The following RNGTT variants were observed in gnomAD, a reference collection of about 807,000 sequenced individuals.
RNGTT encodes the protein mRNA-capping enzyme.
Under a neutral mutation model 79.3 loss-of-function variants are expected in RNGTT, and 33 were observed. The ratio of observed to expected loss-of-function variants is 0.42; its 90% confidence interval spans 0.32 to 0.56. The LOEUF is 0.56. Among genes scored for constraint, RNGTT ranks in the 20% least tolerant of loss-of-function variants. The pLI, the probability that RNGTT is intolerant of heterozygous loss-of-function variation, is 0.17. For synonymous variants in RNGTT, 222 were observed against 235.9 expected, an observed-to-expected ratio of 0.94 and a Z score of 0.54; for missense variants, 497 against 739.1, an observed-to-expected ratio of 0.67 and a Z score of 3.80.
At chr6:88,642,896 C>T (rs1422202405) in intron 14 of RNGTT, among the ~76,000 whole-genome samples, 1 of 152,068 alleles carries the variant, frequency 6.6e-6, no homozygotes, top group East Asian at 1.9e-4. Flanking sequence ...ATTGTTTATG[C>T]CAGAGCTAAG....
intron 14 of RNGTT, among the ~76,000 whole-genome samples, chr6:88,677,181 G>C (rs904736936): frequency 1.3e-5 from 2 of 149,686 alleles, no homozygotes; most frequent in African/African-American, 2.5e-5. Context: ...GCAAAAAACA[G>C]AACAAGTGAA....
At chr6:88,849,083 A>G (rs1582539325) in intron 10 of RNGTT, among the ~76,000 whole-genome samples, 1 of 151,812 alleles carries the variant, frequency 6.6e-6, no homozygotes, top group Non-Finnish European at 1.5e-5. Context: ...AAACAAAGCC[A>G]CCCCGCCACC....
chr6:88,871,025 T>TTTC (rs1782336536), intron 8 of RNGTT, among the ~76,000 whole-genome samples: 3 of 152,164 alleles, frequency 2.0e-5, no homozygotes, highest in Non-Finnish European at 4.4e-5. Context: ...AAAATGCTGT[T>TTTC]TGTAGTTTTT....
At chr6:88,874,765 A>G (rs1325374662) in intron 8 of RNGTT, among the ~76,000 whole-genome samples, 2 of 152,066 alleles carry the variant, frequency 1.3e-5, no homozygotes, top group Non-Finnish European at 2.9e-5. Context: ...AGCACTACTC[A>G]ATACTAAATA....
Position 88,890,594 on chromosome 6 carries a change from G to T in RNGTT, c.797C>A (p.Ser266Tyr). 1 of 1,609,622 alleles carries T rather than the reference G, an allele frequency of 6.2e-7. No homozygotes were observed. Among genetic ancestry groups the T allele is most frequent in the Non-Finnish European group, 8.5e-7 (1 of 1,176,720 alleles). ...KCHQFCGWEG[S>Y]GFPGAQPVSM... ...AACAGGCTGTGCTCCAGGGAATCCA[G>T]ACCTTAAAGAAGAACACAGTATTAC... Residue 266 changes from serine to tyrosine, a missense_variant and splice_region_variant, in exon 8 of 16, where the codon TCT (serine) becomes TAT (tyrosine). Physicochemically the swap from Ser to Tyr is moderately radical, Grantham distance 144. Transcript: ENST00000369485.
chr6:88,808,114 A>G (rs1037571117), intron 11 of RNGTT, among the ~76,000 whole-genome samples: 2 of 152,208 alleles, frequency 1.3e-5, no homozygotes, highest in South Asian at 4.1e-4. Flanking sequence ...TCTAAACTGA[A>G]ATAATGAAGG....
At chr6:88,678,790 T>A (rs959046636) in intron 13 of RNGTT, among the ~76,000 whole-genome samples, 7 of 151,898 alleles carry the variant, frequency 4.6e-5, no homozygotes, top group Non-Finnish European at 8.8e-5. Flanking sequence ...CGAGACCCCA[T>A]CTCAAATAAT....
chr6:88,677,539 T>A (rs1469942481), intron 14 of RNGTT, among the ~76,000 whole-genome samples: 1 of 152,176 alleles, frequency 6.6e-6, no homozygotes, highest in Non-Finnish European at 1.5e-5. Context: ...TGATCATGGC[T>A]CACTGCAACC....
chr6:88,769,467 G>A (rs140379968), intron 13 of RNGTT, among the ~76,000 whole-genome samples: 7 of 151,630 alleles, frequency 4.6e-5, no homozygotes, highest in South Asian at 2.1e-4. Context: ...GCCAAAATTC[G>A]TTTTTTAATA....
chr6:88,625,807 G>A (rs749078346), intron 14 of RNGTT, among the ~76,000 whole-genome samples: 4 of 151,804 alleles, frequency 2.6e-5, no homozygotes, highest in Non-Finnish European at 4.4e-5. Flanking sequence ...TTTCAATCAC[G>A]TCATCCTTGT....
At chr6:88,862,167 T>C (rs1040608354) in intron 8 of RNGTT, among the ~76,000 whole-genome samples, 3 of 152,146 alleles carry the variant, frequency 2.0e-5, no homozygotes, top group Non-Finnish European at 2.9e-5. Flanking sequence ...CTTTCTTGTA[T>C]ATTAATGAGT....
At chr6:88,678,740 C>T (rs1227861944) in intron 13 of RNGTT, among the ~76,000 whole-genome samples, 1 of 152,004 alleles carries the variant, frequency 6.6e-6, no homozygotes, top group Non-Finnish European at 1.5e-5. Context: ...GCTATGACTG[C>T]ACCTGTGAAT....
intron 8 of RNGTT, among the ~76,000 whole-genome samples, chr6:88,880,824 T>C (rs62428985): frequency 0.013 from 2,040 of 152,272 alleles, 21 homozygotes; most frequent in Non-Finnish European, 0.02. Context: ...TCACTTTCAA[T>C]TGATGTTGAA....
chr6:88,949,153 T>TGAA (rs1785141220), intron 1 of RNGTT, among the ~76,000 whole-genome samples: 1 of 18,242 alleles, frequency 5.5e-5, no homozygotes, highest in African/African-American at 1.8e-4. Flanking sequence ...TAAAATAAAA[T>TGAA]AAAATGAAAA....
intron 13 of RNGTT, among the ~76,000 whole-genome samples, chr6:88,751,734 A>C (rs1313351388): frequency 6.6e-6 from 1 of 152,124 alleles, no homozygotes; most frequent in African/African-American, 2.4e-5. Flanking sequence ...CTGGTATGTT[A>C]TATGGGCATT....
chr6:88,721,258 C>CACTT (rs1228824826), intron 13 of RNGTT, among the ~76,000 whole-genome samples: 1 of 152,004 alleles, frequency 6.6e-6, no homozygotes, highest in East Asian at 1.9e-4. Flanking sequence ...TACATTCCAC[C>CACTT]ACTTGGTGGG....
chr6:88,680,535 A>G (rs894060865), intron 13 of RNGTT, among the ~76,000 whole-genome samples: 9 of 152,186 alleles, frequency 5.9e-5, no homozygotes, highest in Middle Eastern at 3.4e-3. Flanking sequence ...TGAGGTCAGG[A>G]GTTTGAGACC....
Position 88,844,352 on chromosome 6 carries a change from T to G in RNGTT, c.1269+5A>C. 2 of 1,606,976 alleles carry G rather than the reference T, an allele frequency of 1.2e-6. No individual in the cohort carries two copies. The highest frequency in any genetic ancestry group is 8.5e-7 in the Non-Finnish European group (1 of 1,178,052). ...GCACTAATTTAAAAAAAAATTAAAC[T>G]TTACCTTTCTTGAAGTACAGATGTC... On this transcript the variant is annotated splice_donor_5th_base_variant and intron_variant, in intron 11 of 15. Coordinates refer to ENST00000369485, the MANE Select transcript of RNGTT (RefSeq NM_003800.5).
chr6:88,925,750 G>A (rs923628682), intron 4 of RNGTT, among the ~76,000 whole-genome samples: 4 of 152,114 alleles, frequency 2.6e-5, no homozygotes, highest in Admixed American at 6.5e-5. Context: ...AGTGGTGCAC[G>A]TAGTCCCAGC....
Sources: gnomAD v4.1 joint callset for allele counts (sites outside exome capture counted in the v4.1 genomes callset) on GRCh38, gnomAD v4.1.1 for gene constraint, MANE v1.5 for transcripts, NCBI Gene and HGNC (gene_info 2026-07-23, HGNC 2026-07-21) for gene names.